Variants in CERT1 observed in about 807,000 individuals in gnomAD.
CERT1 encodes ceramide transfer protein.
Under a neutral mutation model 87.9 loss-of-function variants are expected in CERT1, and 31 were observed. That is an observed-to-expected ratio of 0.35 (90% CI 0.27 to 0.48). The LOEUF (loss-of-function observed/expected upper bound fraction) is 0.48. Among genes scored for constraint, CERT1 ranks in the 20% least tolerant of loss-of-function variants. The pLI is 0.99. For synonymous variants in CERT1, 289 were observed against 250.9 expected, an observed-to-expected ratio of 1.15 and a Z score of -1.44; for missense variants, 487 against 758.0, an observed-to-expected ratio of 0.64 and a Z score of 4.20.
chr5:75,491,786 T>C (rs2112429804), intron 2 of CERT1, among the ~76,000 whole-genome samples: 1 of 152,344 alleles, frequency 6.6e-6, no homozygotes, highest in Non-Finnish European at 1.5e-5. Context: ...TTATTTTGTA[T>C]CTTTTAGGGA....
chr5:75,446,677 C>A lies in CERT1; in HGVS notation c.348+12388G>T, dbSNP rs544527866. On this transcript the variant is annotated intron_variant, in intron 3 of 16. Coordinates refer to ENST00000643780, the MANE Select transcript of CERT1 (RefSeq NM_001379029.1). ...TGTTATTTGTTATTGTTATTTTTTA[C>A]TGTCGTAGGCTATTTCTGTGCCAAG... Among the ~76,000 whole-genome samples, 104 of 152,154 alleles carry A rather than the reference C, an allele frequency of 6.8e-4. 1 individual carries two copies. Among genetic ancestry groups the A allele is most frequent in the African/African-American group, 2.4e-3 (101 of 41,506 alleles).
chr5:75,404,585 T>C (rs1762631800), intron 8 of CERT1, among the ~76,000 whole-genome samples: 1 of 152,240 alleles, frequency 6.6e-6, no homozygotes, highest in African/African-American at 2.4e-5. Context: ...TGATTTTAAA[T>C]ACTATTTAAC....
chr5:75,465,872 C>A (rs542546845), intron 2 of CERT1, among the ~76,000 whole-genome samples: 112 of 152,106 alleles, frequency 7.4e-4, no homozygotes, highest in African/African-American at 2.7e-3. Flanking sequence ...AGAAGGACAG[C>A]GCAACATTCT....
chr5:75,404,445 G>C (rs1277403973), intron 8 of CERT1, among the ~76,000 whole-genome samples: 1 of 152,012 alleles, frequency 6.6e-6, no homozygotes, highest in South Asian at 2.1e-4. Flanking sequence ...ACACCCTAGA[G>C]GCCTTCCTCC....
chr5:75,480,322 C>T (rs1766175023), intron 2 of CERT1, among the ~76,000 whole-genome samples: 1 of 152,236 alleles, frequency 6.6e-6, no homozygotes, highest in South Asian at 2.1e-4. Context: ...CATCGGTCAA[C>T]TCTATTCTTC....
At chr5:75,457,834 A>G (rs1765052900) in intron 3 of CERT1, among the ~76,000 whole-genome samples, 1 of 150,584 alleles carries the variant, frequency 6.6e-6, no homozygotes, top group Admixed American at 6.6e-5. Context: ...ACAATCGCAT[A>G]CTTCTTTATC....
At chr5:75,501,411 T>C (rs1186336432) in intron 2 of CERT1, among the ~76,000 whole-genome samples, 1 of 152,206 alleles carries the variant, frequency 6.6e-6, no homozygotes. Context: ...CATCTGGTGA[T>C]TTTAAAAGTT....
chr5:75,435,695 G>C (rs973487078), intron 3 of CERT1, among the ~76,000 whole-genome samples: 1 of 152,170 alleles, frequency 6.6e-6, no homozygotes, highest in African/African-American at 2.4e-5. Flanking sequence ...GGGGGCCAAG[G>C]CTTAGTTCAG....
rs565970980 is a variant in CERT1 at position 75,443,441 on chromosome 5, T to G, written c.348+15624A>C. Among the ~76,000 whole-genome samples, 7 of 152,340 alleles carry G rather than the reference T, an allele frequency of 4.6e-5. No individual in the cohort carries two copies. The South Asian group carries it at 1.0e-3, about 23-fold the overall frequency. On this transcript the variant is annotated intron_variant, in intron 3 of 16. Transcript: ENST00000643780. ...TCTAATTTCCCTTGTAATTTTTTCT[T>G]TGATCCACTAGTTGTTTAACTTCCA...
chr5:75,432,702 T>C (rs1052304160), intron 3 of CERT1, among the ~76,000 whole-genome samples: 5 of 152,240 alleles, frequency 3.3e-5, no homozygotes, highest in Non-Finnish European at 7.3e-5. Context: ...AGCTCTATAA[T>C]TAGGTTTCAC....
At chr5:75,389,742 A>C (rs1260613640) in intron 11 of CERT1, 55 bp from the exon 12 acceptor site, 1 of 1,351,146 alleles carries the variant, frequency 7.4e-7, no homozygotes, top group Non-Finnish European at 1.1e-6. Context: ...ATAATCTCTA[A>C]AACAGAATGG....
At chr5:75,423,425 TA>T (rs1763472259) in intron 5 of CERT1, among the ~76,000 whole-genome samples, 1 of 151,972 alleles carries the variant, frequency 6.6e-6, no homozygotes, top group African/African-American at 2.4e-5. Flanking sequence ...AAACCTTTAA[TA>T]AAAGTTTTTA....
At chr5:75,379,576 A>T (rs1761473047) in intron 16 of CERT1, 103 bp from the exon 17 acceptor site, 1 of 1,041,508 alleles carries the variant, frequency 9.6e-7, no homozygotes, top group Non-Finnish European at 1.4e-6. Flanking sequence ...CTCACATTGG[A>T]CCAATTAGCA....
downstream of CERT1, chr5:75,374,010 C>A (rs1761182962): frequency 2.5e-6 from 1 of 398,254 alleles, no homozygotes; most frequent in Admixed American, 4.4e-5. Flanking sequence ...GGAGATCTAG[C>A]AAGAGATAGC....
intron 5 of CERT1, among the ~76,000 whole-genome samples, chr5:75,421,057 C>A (rs1473199651): frequency 6.6e-6 from 1 of 152,190 alleles, no homozygotes; most frequent in Non-Finnish European, 1.5e-5. Flanking sequence ...AATCTGCCCA[C>A]CTCTGCCTCT....
chr5:75,486,395 A>AT, intron 2 of CERT1, among the ~76,000 whole-genome samples: 1 of 152,238 alleles, frequency 6.6e-6, no homozygotes, highest in East Asian at 1.9e-4. Context: ...GTATCATAAT[A>AT]AATGGAACAA....
chr5:75,454,868 C>T (rs1764912752), intron 3 of CERT1, among the ~76,000 whole-genome samples: 1 of 152,144 alleles, frequency 6.6e-6, no homozygotes, highest in Admixed American at 6.5e-5. Context: ...TTATTCTACA[C>T]AACAATAAAG....
chr5:75,476,349 A>G (rs1006033825), intron 2 of CERT1, among the ~76,000 whole-genome samples: 1 of 151,998 alleles, frequency 6.6e-6, no homozygotes, highest in African/African-American at 2.4e-5. Context: ...ACCTATCACT[A>G]TCTATTACCA....
intron 2 of CERT1, among the ~76,000 whole-genome samples, chr5:75,481,815 G>A (rs566771661): frequency 6.8e-4 from 103 of 151,870 alleles, no homozygotes; most frequent in African/African-American, 2.3e-3. Flanking sequence ...TCGAAGGCAC[G>A]GACACTGACA....
Sources: gnomAD v4.1 joint callset for allele counts (sites outside exome capture counted in the v4.1 genomes callset) on GRCh38, gnomAD v4.1.1 for gene constraint, MANE v1.5 for transcripts, NCBI Gene and HGNC (gene_info 2026-07-23, HGNC 2026-07-21) for gene names.